Variants in RAP1GAP observed in about 807,000 individuals in gnomAD.
The protein encoded by RAP1GAP is rap1 GTPase-activating protein 1.
A neutral mutation model predicts 87.2 loss-of-function variants in RAP1GAP; 35 were observed. The ratio of observed to expected loss-of-function variants is 0.40; its 90% CI spans 0.31 to 0.53. The LOEUF is 0.53. RAP1GAP is among the 20% of genes least tolerant of loss of function. The probability of loss-of-function intolerance (pLI) is 0.48; values close to 1 mark genes in which losing one functional copy is unlikely to be tolerated. For synonymous variants in RAP1GAP, 375 were observed against 363.9 expected, an observed-to-expected ratio of 1.03 and a Z score of -0.35; for missense variants, 734 against 898.9, an observed-to-expected ratio of 0.82 and a Z score of 2.35.
chr1:21,631,278 A>G (rs2093673038), intron 2 of RAP1GAP, among the ~76,000 whole-genome samples: 1 of 152,194 alleles, frequency 6.6e-6, no homozygotes, highest in South Asian at 2.1e-4. Flanking sequence ...ATGCCGGGAC[A>G]TGGGGCGCTC....
intron 2 of RAP1GAP, among the ~76,000 whole-genome samples, chr1:21,640,203 C>T (rs1014061718): frequency 1.1e-4 from 17 of 152,268 alleles, no homozygotes; most frequent in Non-Finnish European, 1.9e-4. Context: ...ACCCCCTTCC[C>T]GTCCGCTTGG....
intron 1 of RAP1GAP, chr1:21,665,206 C>T: frequency 2.0e-6 from 1 of 509,588 alleles, no homozygotes; most frequent in South Asian, 1.4e-5. Flanking sequence ...GAGAGAGGAA[C>T]TCACCAAAAG....
intron 2 of RAP1GAP, among the ~76,000 whole-genome samples, chr1:21,643,556 C>CAAAAAA (rs58359978): frequency 2.0e-4 from 13 of 66,452 alleles, no homozygotes; most frequent in South Asian, 4.8e-4. Context: ...GACTCCGTCT[C>CAAAAAA]AAAAAAAAAA....
Position 21,616,136 on chromosome 1 carries a change from A to AAC in RAP1GAP, c.291+1168_291+1169dup, listed in dbSNP as rs58644324. 1.6e-3 allele frequency among the ~76,000 whole-genome samples: 198 copies of AAC among 126,832 alleles called. 1 individual carries two copies. The highest frequency in any genetic ancestry group is 4.3e-3 in the African/African-American group (143 of 32,942). The allele number at this position is 126,832 out of a possible 152,430, so 83.2% of individuals were successfully genotyped here. A position where few individuals can be genotyped will look rare whatever the true frequency, so the allele number is the denominator to read the frequency against. ...CCCCAAGGAGTCACCCCCTCTTCCC[A>AAC]ACACACACACACACACACACACACA... On this transcript the variant is annotated intron_variant, in intron 7 of 24. Coordinates refer to ENST00000374765, the MANE Select transcript of RAP1GAP (RefSeq NM_002885.4).
At chr1:21,663,678 G>A (rs2097233561) in intron 1 of RAP1GAP, among the ~76,000 whole-genome samples, 2 of 152,246 alleles carry the variant, frequency 1.3e-5, no homozygotes, top group South Asian at 4.2e-4. Context: ...GCAGAACTGG[G>A]GCCCAGAGTT....
Position 21,598,058 on chromosome 1 carries a change from G to A in RAP1GAP, c.1886C>T (p.Ser629Phe). The change falls in exon 23 of 25, where the codon TCT becomes TTT. Residue 629 changes from serine (S) to phenylalanine (F), a missense_variant. By Grantham distance (155) the Ser-to-Phe change is radical. This residue lies in a region of RAP1GAP where 249 missense variants were observed against 252.7 expected (regional missense o/e 0.99). Coordinates refer to ENST00000374765, the MANE Select transcript of RAP1GAP (RefSeq NM_002885.4). ...TTSGGSSPGP[S>F]RSPHPDAGKL... The stretch of plus-strand genomic sequence containing the variant: ...GCCGGCGTCTGGGTGGGGTGATCGA[G>A]AGGGGCCTGGGGAGGGGGGCAGGAG... 6.4e-7 allele frequency: 1 copy of A among 1,557,220 alleles called. No homozygotes were observed. The highest frequency in any genetic ancestry group is 8.7e-7 in the Non-Finnish European group (1 of 1,149,850).
chr1:21,600,038 T>C (rs921801635), intron 20 of RAP1GAP, among the ~76,000 whole-genome samples: 1 of 152,172 alleles, frequency 6.6e-6, no homozygotes, highest in Non-Finnish European at 1.5e-5. Context: ...CCAGATGAGA[T>C]GACACCAGGC....
intron 3 of RAP1GAP, among the ~76,000 whole-genome samples, chr1:21,621,227 G>A (rs729648): frequency 0.085 from 12,878 of 152,182 alleles, 756 homozygotes; most frequent in East Asian, 0.24. Context: ...ATGACAACAC[G>A]CAGCCACAGA....
In RAP1GAP at chr1:21,669,236, C is replaced by T. The variant is rs755450091; in HGVS notation, c.-149+18G>A. On this transcript the variant is annotated intron_variant, in intron 1 of 24. Coordinates refer to ENST00000374765, the MANE Select transcript of RAP1GAP (RefSeq NM_002885.4). This position sits in a 1 kb window ranked among gnomAD's most constrained non-coding sequence, Gnocchi z 5.6. ...CCTTCCCCTTTCCAGGGCCGCAGCC[C>T]TGGCGGGGCGCACTCACCCAAGGGC... 8.0e-7 allele frequency: 1 copy of T among 1,252,138 alleles called. No homozygotes were observed. Among genetic ancestry groups the T allele is most frequent in the South Asian group, 1.3e-5 (1 of 78,166 alleles). 77.6% of individuals were successfully genotyped at this position (1,252,138 alleles called of 1,614,324 possible).
intron 1 of RAP1GAP, chr1:21,651,812 C>A: frequency 7.6e-7 from 1 of 1,310,206 alleles, no homozygotes; most frequent in Non-Finnish European, 9.7e-7. Flanking sequence ...GCTGCGCTTC[C>A]GGCCGCTCAT....
chr1:21,617,855 G>A (rs1331811151), intron 6 of RAP1GAP, 79 bp downstream of exon 6: 8 of 1,582,928 alleles, frequency 5.1e-6, no homozygotes, highest in Non-Finnish European at 6.9e-6. Context: ...TCCTAAGGAG[G>A]AGGACCTGGT....
chr1:21,650,074 G>A (rs568932997), intron 1 of RAP1GAP, among the ~76,000 whole-genome samples: 90 of 151,922 alleles, frequency 5.9e-4, no homozygotes, highest in African/African-American at 2.0e-3. Flanking sequence ...TAGCAGGGGT[G>A]GGGGGACAGG....
At chr1:21,619,809 T>G (rs2085480573) in intron 4 of RAP1GAP, among the ~76,000 whole-genome samples, 2 of 152,022 alleles carry the variant, frequency 1.3e-5, no homozygotes, top group Admixed American at 1.3e-4. Context: ...GCTGGGAGCC[T>G]AGATGGACTC....
At chr1:21,619,400 T>G (rs2084999243) in intron 4 of RAP1GAP, among the ~76,000 whole-genome samples, 1 of 147,472 alleles carries the variant, frequency 6.8e-6, no homozygotes, top group South Asian at 2.2e-4. Context: ...AGATATGTGT[T>G]GAGGGAGAGA....
chr1:21,655,399 G>C (rs761943831), intron 1 of RAP1GAP, among the ~76,000 whole-genome samples: 28 of 152,216 alleles, frequency 1.8e-4, no homozygotes, highest in Non-Finnish European at 3.1e-4. Context: ...CACACACACA[G>C]AGGCAGTGTG....
At chr1:21,648,449 C>T (rs1417562542) in intron 2 of RAP1GAP, among the ~76,000 whole-genome samples, 3 of 152,216 alleles carry the variant, frequency 2.0e-5, no homozygotes, top group Non-Finnish European at 4.4e-5. Context: ...ATCCCAACTG[C>T]TTGTGTGACC....
intron 7 of RAP1GAP, among the ~76,000 whole-genome samples, 170 bp downstream of exon 7, chr1:21,617,136 G>T (rs1462325099): frequency 6.6e-6 from 1 of 152,218 alleles, no homozygotes; most frequent in African/African-American, 2.4e-5. Flanking sequence ...ATTCTGCCAT[G>T]CATGTTCCCT....
intron 19 of RAP1GAP, 75 bp from the exon 20 acceptor site, chr1:21,601,872 T>A: frequency 9.4e-7 from 1 of 1,062,450 alleles, no homozygotes; most frequent in Non-Finnish European, 1.4e-6. Context: ...GCCCAGGCGG[T>A]GAGGGGAGTC....
At chr1:21,601,641 A>C (rs779155374) in intron 20 of RAP1GAP, 43 bp downstream of exon 20, 5 of 1,461,670 alleles carry the variant, frequency 3.4e-6, no homozygotes, top group South Asian at 2.5e-5. Flanking sequence ...AGGACGGTTC[A>C]CCACTCCCAA....
Sources: gnomAD v4.1 joint callset for allele counts (sites outside exome capture counted in the v4.1 genomes callset) on GRCh38, gnomAD v4.1.1 for gene constraint, gnomAD v4.1.1 regional missense constraint, Gnocchi (gnomAD v3.1) non-coding constraint, MANE v1.5 for transcripts, NCBI Gene and HGNC (gene_info 2026-07-23, HGNC 2026-07-21) for gene names.